The following VTI1A variants were observed in gnomAD, a reference collection of about 807,000 sequenced individuals.
VTI1A encodes vesicle transport through interaction with t-SNAREs 1A.
Under a neutral mutation model 34.9 loss-of-function variants are expected in VTI1A, and 22 were observed. The observed-to-expected ratio is 0.63, with a 90% confidence interval of 0.45 to 0.90. The LOEUF (loss-of-function observed/expected upper bound fraction) is 0.90, where lower values mean the gene tolerates loss of function less well. VTI1A is among the 40% of genes least tolerant of loss of function. The probability of loss-of-function intolerance (pLI) is 0.00; values close to 1 mark genes in which losing one functional copy is unlikely to be tolerated. For missense variants in VTI1A, 268 were observed against 275.6 expected, an observed-to-expected ratio of 0.97 and a Z score of 0.20; for synonymous variants, 87 against 97.3, an observed-to-expected ratio of 0.89 and a Z score of 0.62.
chr10:112,844,822 G>C, the VTI1A span, among the ~76,000 whole-genome samples: 1 of 152,226 alleles, frequency 6.6e-6, no homozygotes, highest in Non-Finnish European at 1.5e-5. Context: ...TTCGAGAAAT[G>C]AGAACATGCT....
At chr10:112,846,324 T>G in the VTI1A span, among the ~76,000 whole-genome samples, 1 of 152,214 alleles carries the variant, frequency 6.6e-6, no homozygotes, top group Non-Finnish European at 1.5e-5. Context: ...TGGGAGTGGC[T>G]GATGTGTGCA....
At chr10:112,615,474 T>C (rs1195947836) in intron 5 of VTI1A, among the ~76,000 whole-genome samples, 2 of 152,190 alleles carry the variant, frequency 1.3e-5, no homozygotes, top group Admixed American at 1.3e-4. Flanking sequence ...TTAACACATA[T>C]TTTTGAGGCC....
At chr10:112,675,123 C>A (rs1420266003) in intron 7 of VTI1A, among the ~76,000 whole-genome samples, 1 of 152,138 alleles carries the variant, frequency 6.6e-6, no homozygotes, top group Non-Finnish European at 1.5e-5. Context: ...CCAGGAAATT[C>A]AAAATCCATA....
intron 7 of VTI1A, among the ~76,000 whole-genome samples, chr10:112,808,649 G>A (rs1051454740): frequency 2.3e-4 from 34 of 149,838 alleles, no homozygotes; most frequent in Admixed American, 7.3e-4. Context: ...AAAAAAGAAA[G>A]CGAGAGAATC....
intron 7 of VTI1A, among the ~76,000 whole-genome samples, chr10:112,794,259 A>T (rs1054649571): frequency 3.3e-5 from 5 of 152,188 alleles, no homozygotes; most frequent in East Asian, 1.9e-4. Context: ...AGAGATTTTT[A>T]AAAAATCATG....
intron 3 of VTI1A, among the ~76,000 whole-genome samples, chr10:112,498,380 TTTGAAG>T (rs1454635794): frequency 6.6e-6 from 1 of 152,338 alleles, no homozygotes; most frequent in East Asian, 1.9e-4. Flanking sequence ...GTTTATTTTG[TTTGAAG>T]TTGGATACTT....
chr10:112,746,604 G>C (rs2133984733), intron 7 of VTI1A, among the ~76,000 whole-genome samples: 2 of 149,760 alleles, frequency 1.3e-5, no homozygotes, highest in South Asian at 4.3e-4. Flanking sequence ...TAGGGAAGGA[G>C]TTTTTCCACG....
chr10:112,618,512 T>TAGAGAG (rs1209394707), intron 5 of VTI1A, among the ~76,000 whole-genome samples: 80 of 37,884 alleles, frequency 2.1e-3, no homozygotes, highest in South Asian at 4.3e-3. Flanking sequence ...TATATATATA[T>TAGAGAG]ATATATATAT....
intron 7 of VTI1A, among the ~76,000 whole-genome samples, chr10:112,701,909 A>G (rs1849021662): frequency 6.6e-6 from 1 of 152,154 alleles, no homozygotes. Flanking sequence ...TACAAATATC[A>G]CTGTATGAGA....
chr10:112,453,240 A>G (rs1301544492), intron 1 of VTI1A, among the ~76,000 whole-genome samples: 2 of 152,220 alleles, frequency 1.3e-5, no homozygotes, highest in Non-Finnish European at 2.9e-5. Flanking sequence ...TACCAAGAAT[A>G]CATACTGTCA....
At chr10:112,460,445 G>C in intron 1 of VTI1A, 79 bp from the exon 2 acceptor site, 2 of 1,254,730 alleles carry the variant, frequency 1.6e-6, no homozygotes, top group Non-Finnish European at 2.2e-6. Context: ...AAAGGAAAAA[G>C]GCATATAAAA....
intron 3 of VTI1A, among the ~76,000 whole-genome samples, chr10:112,483,933 G>A (rs2134104586): frequency 6.6e-6 from 1 of 152,288 alleles, no homozygotes; most frequent in South Asian, 2.1e-4. Context: ...TCCTAATTTG[G>A]ATCCAGGACT....
intron 5 of VTI1A, among the ~76,000 whole-genome samples, chr10:112,628,795 T>G (rs1414204997): frequency 1.3e-5 from 2 of 152,178 alleles, no homozygotes; most frequent in African/African-American, 4.8e-5. Context: ...TAAAATATTA[T>G]AATTATAAAT....
At chr10:112,829,406 TGCACTCCA>T in the VTI1A span, among the ~76,000 whole-genome samples, 2 of 143,910 alleles carry the variant, frequency 1.4e-5, no homozygotes, top group African/African-American at 5.3e-5. Flanking sequence ...ACCGCGCCAC[TGCACTCCA>T]GCCTGGGTGA....
intron 5 of VTI1A, among the ~76,000 whole-genome samples, chr10:112,559,185 T>C (rs569892421): frequency 5.0e-4 from 76 of 152,358 alleles, no homozygotes; most frequent in Non-Finnish European, 8.8e-4. Flanking sequence ...CAAGTTTTTC[T>C]TTCTTTAAGT....
At chr10:112,770,432 G>T (rs1851773650) in intron 7 of VTI1A, among the ~76,000 whole-genome samples, 2 of 146,688 alleles carry the variant, frequency 1.4e-5, no homozygotes, top group African/African-American at 2.5e-5. Context: ...GTCTTGCTCT[G>T]TCACCCAGGC....
intron 3 of VTI1A, among the ~76,000 whole-genome samples, chr10:112,483,709 A>G (rs1848523754): frequency 1.3e-5 from 2 of 152,178 alleles, no homozygotes; most frequent in African/African-American, 4.8e-5. Context: ...TATTCCAAAT[A>G]TCCCGTTGGG....
chr10:112,649,634 T>C (rs376315125), intron 5 of VTI1A, among the ~76,000 whole-genome samples: 1 of 152,200 alleles, frequency 6.6e-6, no homozygotes, highest in Admixed American at 6.5e-5. Context: ...TCCTTAATGA[T>C]GGGGATGCAT....
At chr10:112,848,544 A>G in the VTI1A span, among the ~76,000 whole-genome samples, 1 of 152,212 alleles carries the variant, frequency 6.6e-6, no homozygotes, top group South Asian at 2.1e-4. Context: ...AAGTGATCAT[A>G]TTTAATATCA....
Sources: gnomAD v4.1 joint callset for allele counts (sites outside exome capture counted in the v4.1 genomes callset) on GRCh38, gnomAD v4.1.1 for gene constraint, MANE v1.5 for transcripts, NCBI Gene and HGNC (gene_info 2026-07-23, HGNC 2026-07-21) for gene names.